The following RIC1 variants were observed in gnomAD, a reference collection of about 807,000 sequenced individuals.
RIC1 encodes RIC1 partner of RAB6A GEF complex, also known as guanine nucleotide exchange factor subunit RIC1.
Under a neutral mutation model 169.0 loss-of-function variants are expected in RIC1, and 88 were observed. That is an observed-to-expected ratio of 0.52 (90% CI 0.44 to 0.62). The LOEUF is 0.62. Among genes scored for constraint, RIC1 ranks in the 20% least tolerant of loss-of-function variants. The probability of loss-of-function intolerance (pLI) is 0.00; values close to 1 mark genes in which losing one functional copy is unlikely to be tolerated. For missense variants in RIC1, 1,877 were observed against 1,725.5 expected (o/e 1.09, Z -1.56); for synonymous variants, 790 against 601.5 (o/e 1.31, Z -4.59).
At chr9:5,754,798 C>A in intron 14 of RIC1, 43 bp from the exon 15 acceptor site, 3 of 1,122,588 alleles carry the variant, frequency 2.7e-6, no homozygotes, top group Non-Finnish European at 2.6e-6. Context: ...GTTATAATTT[C>A]TGGTAGCATA....
At chr9:5,668,309 G>C (rs377729046) in intron 2 of RIC1, among the ~76,000 whole-genome samples, 2 of 152,286 alleles carry the variant, frequency 1.3e-5, no homozygotes, top group African/African-American at 4.8e-5. Flanking sequence ...TATCACTGAG[G>C]AACCCTTATA....
intron 2 of RIC1, among the ~76,000 whole-genome samples, chr9:5,670,454 A>G (rs1019598099): frequency 6.6e-6 from 1 of 151,282 alleles, no homozygotes; most frequent in African/African-American, 2.5e-5. Flanking sequence ...CTTTAAAAAT[A>G]TAATTTTTTA....
intron 6 of RIC1, among the ~76,000 whole-genome samples, chr9:5,729,634 T>C (rs2130913410): frequency 6.6e-6 from 1 of 152,332 alleles, no homozygotes; most frequent in East Asian, 1.9e-4. Context: ...ATATTTATAT[T>C]CAGTCATCTC....
intron 8 of RIC1, among the ~76,000 whole-genome samples, chr9:5,741,357 G>A (rs1389958800): frequency 6.6e-6 from 1 of 152,158 alleles, no homozygotes; most frequent in Non-Finnish European, 1.5e-5. Flanking sequence ...GCTGGATGAA[G>A]ATTTACATCT....
At chr9:5,658,204 G>C (rs919817634) in intron 2 of RIC1, among the ~76,000 whole-genome samples, 1 of 152,104 alleles carries the variant, frequency 6.6e-6, no homozygotes, top group African/African-American at 2.4e-5. Flanking sequence ...GCACACTGTA[G>C]TGTGGTTTCT....
chr9:5,763,230 G>A lies in RIC1; in HGVS notation c.2203G>A (p.Glu735Lys). 2 of 1,614,112 alleles carry A rather than the reference G, an allele frequency of 1.2e-6. No individual in the cohort carries two copies. Among genetic ancestry groups the A allele is most frequent in the Non-Finnish European group, 1.7e-6 (2 of 1,180,014 alleles). Residue 735 changes from glutamate (E) to lysine (K), a missense_variant, in exon 19 of 26, where the codon GAG (glutamate) becomes AAG (lysine). Around this residue, in one of 3 missense-constraint regions of RIC1, gnomAD observed 1,104 missense variants for 992.0 expected, o/e 1.11. Transcript: ENST00000414202. The surrounding 1 kb of genome is among the most constrained non-coding windows in gnomAD (Gnocchi z 5.2). Reference protein sequence around the residue: ...RANKQKRHLLEALWLSCGGAG... With the variant: ...RANKQKRHLLKALWLSCGGAG... ...AAATAAACAGAAACGTCACCTTCTG[G>A]AGGCCCTCTGGCTGAGCTGTGGTGG... is the stretch of plus-strand genomic sequence containing the variant.
intron 6 of RIC1, among the ~76,000 whole-genome samples, chr9:5,730,719 T>C (rs1241069248): frequency 1.3e-5 from 2 of 152,166 alleles, no homozygotes; most frequent in African/African-American, 4.8e-5. Context: ...CTTTGTGATA[T>C]TGAGATGTAC....
At chr9:5,678,160 C>T (rs1447445827) in intron 2 of RIC1, among the ~76,000 whole-genome samples, 2 of 152,140 alleles carry the variant, frequency 1.3e-5, no homozygotes, top group Non-Finnish European at 2.9e-5. Context: ...ATCCATGTCC[C>T]TACAAAGGAC....
intron 2 of RIC1, among the ~76,000 whole-genome samples, chr9:5,685,436 C>G (rs113082895): frequency 0.034 from 5,096 of 150,028 alleles, 95 homozygotes; most frequent in African/African-American, 0.049. Flanking sequence ...AGATATAGAT[C>G]AATGGAACAG....
intron 3 of RIC1, among the ~76,000 whole-genome samples, chr9:5,711,135 C>T (rs373101536): frequency 6.6e-6 from 1 of 152,060 alleles, no homozygotes; most frequent in Non-Finnish European, 1.5e-5. Context: ...TTTCAGAACC[C>T]ATCGGATATA....
intron 2 of RIC1, among the ~76,000 whole-genome samples, chr9:5,668,501 TTC>T (rs1169274099): frequency 6.6e-6 from 1 of 152,200 alleles, no homozygotes; most frequent in African/African-American, 2.4e-5. Context: ...TCCTCCATAC[TTC>T]TATTCCTATA....
At chr9:5,701,774 C>G (rs1457398439) in intron 3 of RIC1, among the ~76,000 whole-genome samples, 2 of 152,058 alleles carry the variant, frequency 1.3e-5, no homozygotes, top group African/African-American at 4.8e-5. Context: ...TTCTTCCAAA[C>G]AATTTTGCTT....
At chr9:5,653,877 T>G (rs1327915101) in intron 1 of RIC1, among the ~76,000 whole-genome samples, 1 of 152,222 alleles carries the variant, frequency 6.6e-6, no homozygotes, top group East Asian at 1.9e-4. Context: ...ATTACAGGCA[T>G]GCACAACCAC....
intron 6 of RIC1, among the ~76,000 whole-genome samples, chr9:5,721,478 G>C (rs1248239668): frequency 6.6e-6 from 1 of 152,186 alleles, no homozygotes; most frequent in Non-Finnish European, 1.5e-5. Context: ...AAGAGCCCCA[G>C]GGTCCTACCC....
At chr9:5,668,790 AT>A (rs1216273859) in intron 2 of RIC1, among the ~76,000 whole-genome samples, 1 of 151,334 alleles carries the variant, frequency 6.6e-6, no homozygotes, top group Non-Finnish European at 1.5e-5. Context: ...TGTTTTCTTG[AT>A]TTTCTTTAGT....
intron 7 of RIC1, among the ~76,000 whole-genome samples, chr9:5,735,791 A>G (rs1824665654): frequency 6.6e-6 from 1 of 152,186 alleles, no homozygotes; most frequent in Admixed American, 6.5e-5. Flanking sequence ...ATTTAAAGGT[A>G]TTACTAGATT....
chr9:5,688,295 A>G (rs1286790987), intron 2 of RIC1, among the ~76,000 whole-genome samples: 2 of 152,170 alleles, frequency 1.3e-5, no homozygotes, highest in Middle Eastern at 3.2e-3. Context: ...GCGCCTTCTA[A>G]GTGTGCTGAC....
Position 5,713,153 on chromosome 9 carries a change from T to A in RIC1, c.333-743T>A, listed in dbSNP as rs573285325. On this transcript the variant is annotated intron_variant, in intron 3 of 25. Transcript: ENST00000414202. ...GGAGAGATGACATCAGCAGGCTAAT[T>A]GTTGCCACAAGTGATAGCTGATGGT... 4 of 152,308 alleles carry A rather than the reference T, an allele frequency of 2.6e-5. No homozygotes were observed. The East Asian group carries it at 7.7e-4, about 29-fold the overall frequency. 9.4% of individuals were successfully genotyped at this position (152,308 alleles called of 1,614,324 possible). A position where few individuals can be genotyped will look rare whatever the true frequency, so the allele number is the denominator to read the frequency against.
At chr9:5,687,055 T>A (rs1409433489) in intron 2 of RIC1, among the ~76,000 whole-genome samples, 2 of 152,202 alleles carry the variant, frequency 1.3e-5, no homozygotes, top group Non-Finnish European at 2.9e-5. Flanking sequence ...ACAGATTTCT[T>A]TTCAGTGAAC....
Sources: allele counts gnomAD v4.1 joint callset (sites outside exome capture counted in the v4.1 genomes callset), GRCh38; gene constraint gnomAD v4.1.1; regional missense constraint gnomAD v4.1.1; non-coding constraint Gnocchi (gnomAD v3.1); transcripts MANE v1.5; gene names NCBI Gene and HGNC (gene_info 2026-07-23, HGNC 2026-07-21).